The following KCNQ1 variants were observed in gnomAD, a reference collection of about 807,000 sequenced individuals.
KCNQ1 encodes potassium voltage-gated channel subfamily KQT member 1.
KCNQ1 carries 49 observed loss-of-function variants against 72.4 expected under a neutral mutation model. The ratio of observed to expected loss-of-function variants is 0.68; its 90% CI spans 0.54 to 0.86. The LOEUF is 0.86. Among genes scored for constraint, KCNQ1 ranks in the 40% least tolerant of loss-of-function variants. KCNQ1 has a pLI of 0.00. For missense variants in KCNQ1, 790 were observed against 945.1 expected, an observed-to-expected ratio of 0.84 and a Z score of 2.15; for synonymous variants, 450 against 412.6, an observed-to-expected ratio of 1.09 and a Z score of -1.10.
chr11:2,777,596 T>C (rs1246366420), intron 14 of KCNQ1: 2 of 463,588 alleles, frequency 4.3e-6, no homozygotes, highest in African/African-American at 6.8e-5. Flanking sequence ...CGGCTCATAG[T>C]GTGGGCTGGT....
chr11:2,700,546 G>A (rs2133904936), intron 11 of KCNQ1, among the ~76,000 whole-genome samples: 1 of 152,052 alleles, frequency 6.6e-6, no homozygotes, highest in African/African-American at 2.4e-5. Flanking sequence ...ACCGGGTGCG[G>A]GAGGCGTTTT....
chr11:2,551,586 A>G (rs1234039982), intron 2 of KCNQ1, among the ~76,000 whole-genome samples: 2 of 152,236 alleles, frequency 1.3e-5, no homozygotes, highest in Non-Finnish European at 2.9e-5. Context: ...TTGAGTAATC[A>G]TATGTCTTCA....
intron 15 of KCNQ1, among the ~76,000 whole-genome samples, chr11:2,834,261 A>G (rs917578526): frequency 6.6e-6 from 1 of 152,010 alleles, no homozygotes; most frequent in Non-Finnish European, 1.5e-5. Flanking sequence ...ATGGCATGGT[A>G]GTGTGCCCCT....
At chr11:2,660,667 T>C (rs1408074083) in intron 10 of KCNQ1, 5 of 398,546 alleles carry the variant, frequency 1.3e-5, no homozygotes, top group Non-Finnish European at 2.2e-5. Context: ...TCAGTTTTCA[T>C]CCATGCTTGA....
At chr11:2,650,258 T>A (rs1011061357) in intron 10 of KCNQ1, 2 of 398,490 alleles carry the variant, frequency 5.0e-6, no homozygotes, top group African/African-American at 4.1e-5. Context: ...TAAGATTTCC[T>A]TTACTTTGGA....
chr11:2,667,776 C>T, intron 11 of KCNQ1: 1 of 398,720 alleles, frequency 2.5e-6, no homozygotes, highest in Non-Finnish European at 4.4e-6. Context: ...AAGGCCAGGG[C>T]TATCCACCTA....
At position 2,772,594 on chromosome 11, in the gene KCNQ1, G is replaced by A. The variant is rs1278548604; in HGVS notation, c.1591-3366G>A. Among the ~76,000 whole-genome samples the A allele has an allele frequency of 3.3e-5, 5 of 152,128 alleles. No homozygotes were observed. Among genetic ancestry groups the A allele is most frequent in the South Asian group, 2.1e-4 (1 of 4,822 alleles). On this transcript the variant is annotated intron_variant, in intron 12 of 15. Coordinates refer to ENST00000155840, the MANE Select transcript of KCNQ1 (RefSeq NM_000218.3). The surrounding 1 kb of genome is among the most constrained non-coding windows in gnomAD (Gnocchi z 6.6). ...CGGGCCGTGGGTCCTCATGGTCTGC[G>A]GGCATTGCTGAGCCTTCTTGGGCTA...
At chr11:2,539,611 G>A (rs1057275794) in intron 2 of KCNQ1, among the ~76,000 whole-genome samples, 1 of 152,232 alleles carries the variant, frequency 6.6e-6, no homozygotes, top group African/African-American at 2.4e-5. Flanking sequence ...GTTGGAAGTT[G>A]CATCCCTGGT....
At position 2,558,126 on chromosome 11, in the gene KCNQ1, C is replaced by T. The variant is rs79501631; in HGVS notation, c.478-12502C>T. ...TGTGGGAAGTGCGGGCCCTGTAGGG[C>T]GTTATGAGACGTAGGCCCCGCTGCC... On this transcript the variant is annotated intron_variant, in intron 2 of 15. Coordinates refer to ENST00000155840, the MANE Select transcript of KCNQ1 (RefSeq NM_000218.3). 3.3e-3 allele frequency among the ~76,000 whole-genome samples: 503 copies of T among 152,344 alleles called. 2 individuals carry two copies. The highest frequency in any genetic ancestry group is 0.011 in the African/African-American group (460 of 41,570).
At chr11:2,797,413 C>T (rs1590094958) in intron 15 of KCNQ1, among the ~76,000 whole-genome samples, 1 of 152,354 alleles carries the variant, frequency 6.6e-6, no homozygotes, top group Non-Finnish European at 1.5e-5. Flanking sequence ...TTTCCTTGGG[C>T]TCTCAGCGAT....
chr11:2,691,844 C>T lies in KCNQ1; in HGVS notation c.1514+29763C>T. ...ATGTGACCTCTGCCAGGACCATGACCCCTAGGTCCTCTTTTCCATCCCTCC... is the reference window on the plus strand; with the variant it reads ...ATGTGACCTCTGCCAGGACCATGACTCCTAGGTCCTCTTTTCCATCCCTCC... On this transcript the variant is annotated intron_variant, in intron 11 of 15. Coordinates refer to ENST00000155840, the MANE Select transcript of KCNQ1 (RefSeq NM_000218.3). The surrounding 1 kb of genome is among the most constrained non-coding windows in gnomAD (Gnocchi z 6.4). 2.5e-6 allele frequency: 1 copy of T among 398,680 alleles called. No individual in the cohort carries two copies. The highest frequency in any genetic ancestry group is 3.6e-5 in the East Asian group (1 of 28,074). 24.7% of individuals were successfully genotyped at this position (398,680 alleles called of 1,614,324 possible).
At chr11:2,643,773 C>T in intron 10 of KCNQ1, 1 of 398,506 alleles carries the variant, frequency 2.5e-6, no homozygotes. Flanking sequence ...TTTTGTAGTG[C>T]CAGTGTAGTG....
intron 15 of KCNQ1, among the ~76,000 whole-genome samples, chr11:2,840,823 A>G (rs973656549): frequency 6.6e-6 from 1 of 152,054 alleles, no homozygotes; most frequent in African/African-American, 2.4e-5. Flanking sequence ...CTCAGCACCC[A>G]CCCTGGGAGG....
chr11:2,503,384 A>G (rs944240129), intron 1 of KCNQ1, among the ~76,000 whole-genome samples: 4 of 152,144 alleles, frequency 2.6e-5, no homozygotes, highest in African/African-American at 9.7e-5. Context: ...CATTTCTCGA[A>G]AGAAGACAAA....
At position 2,652,794 on chromosome 11, in the gene KCNQ1, C is replaced by T. The variant is rs919226949; in HGVS notation, c.1394-9167C>T. 1 of 399,022 alleles carries T rather than the reference C, an allele frequency of 2.5e-6. No individual in the cohort carries two copies. The highest frequency in any genetic ancestry group is 4.4e-5 in the Admixed American group (1 of 22,742). The allele number at this position is 399,022 out of a possible 1,614,324, so 24.7% of individuals were successfully genotyped here. On this transcript the variant is annotated intron_variant, in intron 10 of 15. Transcript: ENST00000155840. This position sits in a 1 kb window ranked among gnomAD's most constrained non-coding sequence, Gnocchi z 5.9. Reference sequence around the variant, plus strand: ...CTCAGCGCCCCCGCTACTCAGACCCCACCCTTGGGCCTGCAGAGACATTTC... The same window carrying T: ...CTCAGCGCCCCCGCTACTCAGACCCTACCCTTGGGCCTGCAGAGACATTTC...
At chr11:2,802,394 G>A (rs1022606389) in intron 15 of KCNQ1, among the ~76,000 whole-genome samples, 4 of 152,172 alleles carry the variant, frequency 2.6e-5, no homozygotes. Context: ...GGCCACTGAG[G>A]CAGCGGGGAG....
At chr11:2,714,339 C>T (rs568776407) in intron 11 of KCNQ1, among the ~76,000 whole-genome samples, 29 of 152,308 alleles carry the variant, frequency 1.9e-4, no homozygotes, top group South Asian at 4.1e-4. Context: ...GCACTATGGG[C>T]GAGCTGCCTG....
intron 15 of KCNQ1, among the ~76,000 whole-genome samples, chr11:2,832,160 A>T (rs1275490310): frequency 6.6e-6 from 1 of 151,854 alleles, no homozygotes; most frequent in African/African-American, 2.4e-5. Context: ...TCCCCACCCT[A>T]CCCTTTCCCA....
rs1429872968 is a variant in KCNQ1, at chr11:2,657,875, G to A, written c.1394-4086G>A. 42 of 398,486 alleles carry A rather than the reference G, an allele frequency of 1.1e-4. No homozygotes were observed. The East Asian group carries it at 1.5e-3, about 14-fold the overall frequency. 24.7% of individuals were successfully genotyped at this position (398,486 alleles called of 1,614,324 possible). The stretch of plus-strand genomic sequence containing the variant: ...AGGGTTATAGGTTTAGGGGAAGGAG[G>A]CCAGTGAGGTGAGATGCTTTCCTCA... On this transcript the variant is annotated intron_variant, in intron 10 of 15. Coordinates refer to ENST00000155840, the MANE Select transcript of KCNQ1 (RefSeq NM_000218.3). This position sits in a 1 kb window ranked among gnomAD's most constrained non-coding sequence, Gnocchi z 4.8.
Sources: gnomAD v4.1 joint callset for allele counts (sites outside exome capture counted in the v4.1 genomes callset) on GRCh38, gnomAD v4.1.1 for gene constraint, Gnocchi (gnomAD v3.1) non-coding constraint, MANE v1.5 for transcripts, NCBI Gene and HGNC (gene_info 2026-07-23, HGNC 2026-07-21) for gene names.